CAGE1: variants seen among roughly 807,000 people sequenced by gnomAD.
CAGE1 encodes cancer-associated gene 1 protein.
CAGE1 carries 66 observed loss-of-function variants against 94.9 expected under a neutral mutation model. That is an observed-to-expected ratio of 0.70 (90% confidence interval 0.57 to 0.85). The LOEUF is 0.85. Among genes scored for constraint, CAGE1 ranks in the 40% least tolerant of loss-of-function variants. The probability of loss-of-function intolerance (pLI) is 0.00; values close to 1 mark genes in which losing one functional copy is unlikely to be tolerated. For synonymous variants in CAGE1, 319 were observed against 321.0 expected (o/e 0.99, Z 0.07); for missense variants, 865 against 950.4 (o/e 0.91, Z 1.18).
intron 12 of CAGE1, chr6:7,331,199 C>G (rs1758741042): frequency 3.0e-6 from 1 of 328,228 alleles, no homozygotes; most frequent in South Asian, 7.3e-5. Flanking sequence ...TCCATGACAC[C>G]AACACTATAG....
At chr6:7,337,975 A>C (rs1473765257) in intron 11 of CAGE1, among the ~76,000 whole-genome samples, 1 of 152,168 alleles carries the variant, frequency 6.6e-6, no homozygotes, top group Non-Finnish European at 1.5e-5. Context: ...CATTTATTTA[A>C]CTCTTCTTTA....
At chr6:7,335,123 G>A (rs1436231232) in intron 11 of CAGE1, among the ~76,000 whole-genome samples, 6 of 152,158 alleles carry the variant, frequency 3.9e-5, no homozygotes, top group African/African-American at 1.4e-4. Context: ...CCACTGTCAT[G>A]TTGACTCTTT....
At chr6:7,365,749 C>A in intron 8 of CAGE1, 55 bp downstream of exon 8, 3 of 1,340,692 alleles carry the variant, frequency 2.2e-6, no homozygotes, top group Non-Finnish European at 3.1e-6. Flanking sequence ...AACATAAATA[C>A]CTGAAATTGT....
rs142141422 is a variant in CAGE1, at chr6:7,374,997, G to A, written c.688-866C>T. On this transcript the variant is annotated intron_variant, in intron 4 of 13. Coordinates refer to ENST00000502583, the MANE Select transcript of CAGE1 (RefSeq NM_001170692.2). ...TGCAGTGAGCTGAGATCACACTACT[G>A]CACTCCAGCCTGGGCGATAGAGCGA... 3.4e-3 allele frequency among the ~76,000 whole-genome samples: 513 copies of A among 152,162 alleles called. 3 individuals are homozygous for A. Among genetic ancestry groups the A allele is most frequent in the African/African-American group, 0.012 (493 of 41,486 alleles).
chr6:7,345,755 C>T (rs1213700898), intron 11 of CAGE1, among the ~76,000 whole-genome samples: 1 of 151,846 alleles, frequency 6.6e-6, no homozygotes, highest in Admixed American at 6.6e-5. Flanking sequence ...AACCCCGTCT[C>T]TACTAAAAAT....
At chr6:7,360,598 A>AT (rs2113422300) in intron 9 of CAGE1, among the ~76,000 whole-genome samples, 1 of 152,300 alleles carries the variant, frequency 6.6e-6, no homozygotes, top group African/African-American at 2.4e-5. Context: ...AGATTGGCTG[A>AT]TTGAGTTTCC....
At chr6:7,332,296 G>A (rs55969543) in intron 12 of CAGE1, among the ~76,000 whole-genome samples, 13,229 of 152,162 alleles carry the variant, frequency 0.087, 620 homozygotes, top group Admixed American at 0.11. Flanking sequence ...GGAGCTTGCC[G>A]TTGCTGGGGA....
chr6:7,328,574 A>G (rs1023059689), intron 13 of CAGE1, among the ~76,000 whole-genome samples: 2 of 152,164 alleles, frequency 1.3e-5, no homozygotes, highest in Non-Finnish European at 2.9e-5. Context: ...AGAGGTAGGA[A>G]GTAGAACCAT....
intron 11 of CAGE1, among the ~76,000 whole-genome samples, chr6:7,352,294 AAAAAAAAAAAAC>A (rs1468019902): frequency 4.3e-5 from 5 of 116,482 alleles, no homozygotes; most frequent in African/African-American, 1.9e-4. Flanking sequence ...TAGCTGCAAA[AAAAAAAAAAAAC>A]AAAAAAAAAC....
intron 11 of CAGE1, among the ~76,000 whole-genome samples, chr6:7,344,905 C>T (rs982658694): frequency 1.1e-4 from 17 of 152,238 alleles, no homozygotes; most frequent in African/African-American, 3.9e-4. Context: ...CTGGTGGGGA[C>T]GTGCAGAACC....
At position 7,389,291 on chromosome 6, in the gene CAGE1, T is replaced by C. The variant is rs1761250178; in HGVS notation, c.-113A>G. 2.2e-6 allele frequency: 1 copy of C among 456,150 alleles called. No individual in the cohort carries two copies. 28.3% of individuals were successfully genotyped at this position (456,150 alleles called of 1,614,324 possible). A position where few individuals can be genotyped will look rare whatever the true frequency, so the allele number is the denominator to read the frequency against. On this transcript the variant is annotated 5_prime_UTR_variant, in exon 1 of 14. Transcript: ENST00000502583. The stretch of plus-strand genomic sequence containing the variant: ...CACAAAAGTGTGCTCACTTCCAGGA[T>C]CCATAGTTTCTTGGACCCACGCTAC...
At chr6:7,379,118 CT>C (rs1561867174) in intron 3 of CAGE1, 98 bp from the exon 4 acceptor site, 1 of 715,406 alleles carries the variant, frequency 1.4e-6, no homozygotes, top group African/African-American at 1.8e-5. Context: ...GCTGTAGCCA[CT>C]TAAAAATTAT....
chr6:7,343,314 G>A (rs1048799342), intron 11 of CAGE1, among the ~76,000 whole-genome samples: 1 of 152,082 alleles, frequency 6.6e-6, no homozygotes, highest in South Asian at 2.1e-4. Flanking sequence ...CTTTCTGTGG[G>A]GTTTACAAGT....
intron 11 of CAGE1, chr6:7,347,491 C>G (rs986443270): frequency 3.7e-5 from 3 of 81,792 alleles, no homozygotes; most frequent in Admixed American, 2.0e-4. Context: ...CCACAGGGAT[C>G]CAAAGCGAGG....
At chr6:7,369,402 G>A (rs535549750) in intron 6 of CAGE1, among the ~76,000 whole-genome samples, 2 of 152,266 alleles carry the variant, frequency 1.3e-5, no homozygotes, top group South Asian at 4.1e-4. Flanking sequence ...TAAGGAAACT[G>A]AAATGGAAGT....
chr6:7,382,846 G>T (rs1760984679), intron 3 of CAGE1, among the ~76,000 whole-genome samples: 1 of 152,036 alleles, frequency 6.6e-6, no homozygotes, highest in Non-Finnish European at 1.5e-5. Flanking sequence ...GAAGGTGGAG[G>T]TTGCAGTGAG....
At chr6:7,370,784 C>T (rs1369955587) in intron 5 of CAGE1, among the ~76,000 whole-genome samples, 2 of 152,096 alleles carry the variant, frequency 1.3e-5, no homozygotes, top group African/African-American at 2.4e-5. Context: ...CATCATGTAG[C>T]TTCTGGAAAA....
chr6:7,334,725 C>CAAAAAAAAAAAAAAAAAAAAAAAA (rs58790989), intron 11 of CAGE1, among the ~76,000 whole-genome samples: 1 of 67,918 alleles, frequency 1.5e-5, no homozygotes. Context: ...GACTCTCTCT[C>CAAAAAAAAAAAAAAAAAAAAAAAA]AAAAAAAAAA....
intron 11 of CAGE1, among the ~76,000 whole-genome samples, chr6:7,344,622 A>G (rs971860673): frequency 6.6e-6 from 1 of 152,226 alleles, no homozygotes; most frequent in Non-Finnish European, 1.5e-5. Context: ...CGAGACTGGA[A>G]AGCAGCTCCA....
Sources: gnomAD v4.1 joint callset for allele counts (sites outside exome capture counted in the v4.1 genomes callset) on GRCh38, gnomAD v4.1.1 for gene constraint, MANE v1.5 for transcripts, NCBI Gene and HGNC (gene_info 2026-07-23, HGNC 2026-07-21) for gene names.